SSBP2: variants seen among roughly 807,000 people sequenced by gnomAD.
SSBP2 encodes single stranded DNA binding protein 2, also known as single-stranded DNA-binding protein 2.
In SSBP2, 17 loss-of-function variants were observed where a neutral mutation model predicts 61.8. The observed-to-expected ratio is 0.28, with a 90% CI of 0.19 to 0.41. The LOEUF (loss-of-function observed/expected upper bound fraction) is 0.41, where lower values mean the gene tolerates loss of function less well. Ranked by LOEUF, SSBP2 falls within the 10% of genes least tolerant of loss-of-function variation. SSBP2 has a pLI of 1.00. For missense variants in SSBP2, 310 were observed against 458.7 expected (o/e 0.68, Z 2.96); for synonymous variants, 139 against 141.3 (o/e 0.98, Z 0.12).
At chr5:81,509,182 C>T (rs932399191) in intron 5 of SSBP2, among the ~76,000 whole-genome samples, 1 of 152,250 alleles carries the variant, frequency 6.6e-6, no homozygotes, top group East Asian at 1.9e-4. Flanking sequence ...CCTAGCCAGC[C>T]TTCTGGGCCT....
intron 1 of SSBP2, among the ~76,000 whole-genome samples, chr5:81,652,966 T>G (rs1357853486): frequency 1.3e-5 from 2 of 151,682 alleles, no homozygotes; most frequent in Non-Finnish European, 2.9e-5. Context: ...CATTATACTT[T>G]AAGTTCTGGG....
intron 1 of SSBP2, among the ~76,000 whole-genome samples, chr5:81,706,919 C>T (rs1754435956): frequency 6.6e-6 from 1 of 152,146 alleles, no homozygotes; most frequent in Non-Finnish European, 1.5e-5. Context: ...CACAGACTTA[C>T]TTGAAGAGAT....
chr5:81,561,525 T>G (rs921354978), intron 4 of SSBP2, among the ~76,000 whole-genome samples: 1 of 151,902 alleles, frequency 6.6e-6, no homozygotes. Context: ...AATAAATAGG[T>G]AAGCAAAACT....
chr5:81,698,493 T>C (rs1012680328), intron 1 of SSBP2, among the ~76,000 whole-genome samples: 2 of 152,090 alleles, frequency 1.3e-5, no homozygotes, highest in Non-Finnish European at 2.9e-5. Context: ...GGCAAAGAGA[T>C]GGGTGGAAAA....
intron 1 of SSBP2, among the ~76,000 whole-genome samples, chr5:81,673,852 T>C (rs1269695862): frequency 6.6e-6 from 1 of 152,154 alleles, no homozygotes; most frequent in African/African-American, 2.4e-5. Context: ...CTGTAACCAT[T>C]AGAGCTATTC....
chr5:81,451,008 A>G (rs1218933429), intron 10 of SSBP2, among the ~76,000 whole-genome samples: 1 of 152,236 alleles, frequency 6.6e-6, no homozygotes, highest in African/African-American at 2.4e-5. Flanking sequence ...AAAGCCTTGA[A>G]GCTTACTGGT....
rs1396454488 is a variant in SSBP2, at chr5:81,750,790, C to G, written c.62+191G>C. ...CCGACAGCCCCCTGCGGCCGCCCGCCCAGCGCCCGCACCTCCCGGGAAAGC... is the reference window on the plus strand; with the variant it reads ...CCGACAGCCCCCTGCGGCCGCCCGCGCAGCGCCCGCACCTCCCGGGAAAGC... On this transcript the variant is annotated intron_variant, in intron 1 of 16. Coordinates refer to ENST00000320672, the MANE Select transcript of SSBP2 (RefSeq NM_012446.5). 7.7e-6 allele frequency: 5 copies of G among 645,920 alleles called. No homozygotes were observed. In the East Asian group the frequency reaches 1.2e-4, roughly 15 times the overall value. The allele number at this position is 645,920 out of a possible 1,614,324, so 40.0% of individuals were successfully genotyped here.
At chr5:81,728,269 A>G (rs1436754116) in intron 1 of SSBP2, among the ~76,000 whole-genome samples, 1 of 152,212 alleles carries the variant, frequency 6.6e-6, no homozygotes, top group Non-Finnish European at 1.5e-5. Flanking sequence ...AATCTGACTT[A>G]GCACTTCCAT....
chr5:81,681,249 G>C (rs910663816), intron 1 of SSBP2, among the ~76,000 whole-genome samples: 1 of 152,038 alleles, frequency 6.6e-6, no homozygotes, highest in Non-Finnish European at 1.5e-5. Context: ...GTCAGGCGCG[G>C]TGGCTCATGC....
chr5:81,547,035 C>CTAAAAA (rs1491449481), intron 4 of SSBP2, among the ~76,000 whole-genome samples: 496 of 7,974 alleles, frequency 0.062, 15 homozygotes, highest in African/African-American at 0.32. Flanking sequence ...CAAATCTTGG[C>CTAAAAA]CAAAAAAAAA....
At chr5:81,468,971 C>T (rs1249266286) in intron 8 of SSBP2, among the ~76,000 whole-genome samples, 1 of 151,934 alleles carries the variant, frequency 6.6e-6, no homozygotes, top group Non-Finnish European at 1.5e-5. Flanking sequence ...TCATTGCAAA[C>T]AAAATCTGAA....
chr5:81,509,408 T>C (rs1007828895), intron 5 of SSBP2, among the ~76,000 whole-genome samples: 1 of 152,204 alleles, frequency 6.6e-6, no homozygotes, highest in Non-Finnish European at 1.5e-5. Context: ...ACTTGAATTA[T>C]GATTGTCTGC....
chr5:81,452,665 A>G (rs1763853478), intron 10 of SSBP2, among the ~76,000 whole-genome samples: 3 of 152,200 alleles, frequency 2.0e-5, no homozygotes, highest in Admixed American at 6.5e-5. Context: ...CTAGGTTTTC[A>G]ACGTGGTGAC....
At position 81,415,911 on chromosome 5, in the gene SSBP2, C is replaced by CA. The variant is rs1204411874; in HGVS notation, c.*4592dup. 0.055 allele frequency: 1,292 copies of CA among 23,402 alleles called. 69 individuals are homozygous for CA. The highest frequency in any genetic ancestry group is 0.065 in the Non-Finnish European group (970 of 14,908). 1.4% of individuals were successfully genotyped at this position (23,402 alleles called of 1,614,324 possible). A position where few individuals can be genotyped will look rare whatever the true frequency, so the allele number is the denominator to read the frequency against. On this transcript the variant is annotated 3_prime_UTR_variant, in exon 17 of 17. Coordinates refer to ENST00000320672, the MANE Select transcript of SSBP2 (RefSeq NM_012446.5). ...TGGGTGACAGAGCAAGATTCTGACTCAAAAAAAAAAAAAAAAAAGAGGAAA... is the reference window on the plus strand; with the variant it reads ...TGGGTGACAGAGCAAGATTCTGACTCAAAAAAAAAAAAAAAAAAAGAGGAAA...
chr5:81,692,639 G>A (rs1315835625), intron 1 of SSBP2, among the ~76,000 whole-genome samples: 1 of 152,032 alleles, frequency 6.6e-6, no homozygotes, highest in Non-Finnish European at 1.5e-5. Context: ...AAACAGCATG[G>A]TACTGGCATA....
At chr5:81,462,907 C>T (rs1580747059) in intron 9 of SSBP2, among the ~76,000 whole-genome samples, 2 of 151,934 alleles carry the variant, frequency 1.3e-5, no homozygotes, top group African/African-American at 2.4e-5. Flanking sequence ...CAAACAAGTA[C>T]TGTATGAATA....
intron 4 of SSBP2, among the ~76,000 whole-genome samples, chr5:81,592,729 A>G (rs1215245402): frequency 6.6e-6 from 1 of 152,212 alleles, no homozygotes; most frequent in Non-Finnish European, 1.5e-5. Context: ...TCAGGCAAAC[A>G]GGGTCTGGAG....
intron 6 of SSBP2, among the ~76,000 whole-genome samples, chr5:81,479,566 T>G (rs1189448968): frequency 6.6e-6 from 1 of 151,960 alleles, no homozygotes; most frequent in Non-Finnish European, 1.5e-5. Flanking sequence ...CTGCTCGGAT[T>G]ATAGGTGTGA....
chr5:81,653,191 T>C (rs971302346), intron 1 of SSBP2, among the ~76,000 whole-genome samples: 3 of 152,042 alleles, frequency 2.0e-5, no homozygotes, highest in Non-Finnish European at 4.4e-5. Flanking sequence ...ACTGAGAACA[T>C]GTGGTGTTTG....
Sources: allele counts gnomAD v4.1 joint callset (sites outside exome capture counted in the v4.1 genomes callset), GRCh38; gene constraint gnomAD v4.1.1; transcripts MANE v1.5; gene names NCBI Gene and HGNC (gene_info 2026-07-23, HGNC 2026-07-21).